Variants in PARD3B observed in about 807,000 individuals in gnomAD.
PARD3B encodes partitioning defective 3 homolog B.
Under a neutral mutation model 130.2 loss-of-function variants are expected in PARD3B, and 103 were observed. That is an observed-to-expected ratio of 0.79 (90% CI 0.67 to 0.93). PARD3B has a LOEUF of 0.93. PARD3B is among the 40% of genes least tolerant of loss of function. The probability of loss-of-function intolerance (pLI) is 0.00; values close to 1 mark genes in which losing one functional copy is unlikely to be tolerated. For synonymous variants in PARD3B, 583 were observed against 553.2 expected (o/e 1.05, Z -0.76); for missense variants, 1,609 against 1,499.2 (o/e 1.07, Z -1.21).
chr2:205,097,207 A>G (rs996150375), intron 4 of PARD3B, among the ~76,000 whole-genome samples: 3 of 152,208 alleles, frequency 2.0e-5, no homozygotes, highest in African/African-American at 4.8e-5. Flanking sequence ...AAAGAAAGGT[A>G]AAGTATAATG....
chr2:204,596,783 C>T (rs1218772529), intron 1 of PARD3B, among the ~76,000 whole-genome samples: 1 of 152,050 alleles, frequency 6.6e-6, no homozygotes, highest in African/African-American at 2.4e-5. Context: ...ACAAAATTAG[C>T]TGGGTGTGGT....
intron 2 of PARD3B, among the ~76,000 whole-genome samples, chr2:204,827,269 GT>G (rs1449049938): frequency 6.6e-6 from 1 of 151,988 alleles, no homozygotes; most frequent in African/African-American, 2.4e-5. Context: ...TTATTTATAA[GT>G]TTTTGCAAAT....
intron 21 of PARD3B, among the ~76,000 whole-genome samples, chr2:205,546,704 C>T (rs986021752): frequency 6.6e-6 from 1 of 152,148 alleles, no homozygotes; most frequent in African/African-American, 2.4e-5. Context: ...TCTGCAATTT[C>T]CTATCCTCTA....
At chr2:204,871,373 A>T (rs1417939211) in intron 2 of PARD3B, among the ~76,000 whole-genome samples, 3 of 152,100 alleles carry the variant, frequency 2.0e-5, no homozygotes, top group Non-Finnish European at 4.4e-5. Flanking sequence ...TTTCTGCATC[A>T]TATCCTGATC....
chr2:205,090,573 T>C (rs1702045896), intron 4 of PARD3B, among the ~76,000 whole-genome samples: 1 of 152,202 alleles, frequency 6.6e-6, no homozygotes, highest in African/African-American at 2.4e-5. Context: ...CACAATCAGA[T>C]GGCAGGTTGG....
chr2:204,858,943 C>A (rs910199627), intron 2 of PARD3B, among the ~76,000 whole-genome samples: 1 of 151,596 alleles, frequency 6.6e-6, no homozygotes, highest in Non-Finnish European at 1.5e-5. Context: ...AATTATGCAT[C>A]ATTCTCATGT....
rs572407608 is a variant in PARD3B, at chr2:205,053,781, G to C, written c.504+6091G>C. On this transcript the variant is annotated intron_variant, in intron 4 of 22. Transcript: ENST00000406610. Reference sequence around the variant, plus strand: ...GGTACTGATGTGTATTAGAAGGATGGCTCTATCCATTGTTTTCCAAAGAGG... The same window carrying C: ...GGTACTGATGTGTATTAGAAGGATGCCTCTATCCATTGTTTTCCAAAGAGG... Among the ~76,000 whole-genome samples, 5 of 152,224 alleles carry C rather than the reference G, an allele frequency of 3.3e-5. No homozygotes were observed. In the East Asian group the frequency reaches 9.6e-4, roughly 29 times the overall value.
intron 1 of PARD3B, among the ~76,000 whole-genome samples, chr2:204,554,389 A>C (rs2030768740): frequency 6.6e-6 from 1 of 151,988 alleles, no homozygotes; most frequent in Non-Finnish European, 1.5e-5. Flanking sequence ...CCCAACTCCA[A>C]ATCAAGTCCT....
At chr2:204,942,253 A>G (rs1448373989) in intron 2 of PARD3B, among the ~76,000 whole-genome samples, 2 of 152,198 alleles carry the variant, frequency 1.3e-5, no homozygotes, top group Non-Finnish European at 2.9e-5. Flanking sequence ...TAGCTCTGGA[A>G]ATGTAACTTT....
At chr2:204,712,613 C>CAAAAAAA (rs1253142601) in intron 2 of PARD3B, among the ~76,000 whole-genome samples, 2 of 47,594 alleles carry the variant, frequency 4.2e-5, no homozygotes, top group Non-Finnish European at 9.4e-5. Context: ...GACCCCATCT[C>CAAAAAAA]AAAAAAAAAA....
At chr2:205,487,488 G>A (rs577536578) in intron 20 of PARD3B, among the ~76,000 whole-genome samples, 10 of 151,998 alleles carry the variant, frequency 6.6e-5, no homozygotes, top group South Asian at 2.1e-4. Flanking sequence ...GCTACCATCC[G>A]TGCACTAAAT....
chr2:205,388,714 AAAAAC>A (rs2045748848), intron 18 of PARD3B, among the ~76,000 whole-genome samples: 1 of 152,150 alleles, frequency 6.6e-6, no homozygotes. Context: ...TCTATGAAAA[AAAAAC>A]TTGTCTTTTG....
intron 3 of PARD3B, among the ~76,000 whole-genome samples, chr2:204,975,501 A>G (rs1345959837): frequency 6.6e-6 from 1 of 152,154 alleles, no homozygotes; most frequent in African/African-American, 2.4e-5. Context: ...GGTGGTTAAT[A>G]TAGAGACAAG....
At chr2:204,854,811 T>C (rs2044854571) in intron 2 of PARD3B, among the ~76,000 whole-genome samples, 3 of 152,108 alleles carry the variant, frequency 2.0e-5, no homozygotes, top group Admixed American at 2.0e-4. Context: ...ATATACACCC[T>C]GGGGTTCATC....
chr2:205,196,446 A>C (rs992111947), intron 15 of PARD3B, among the ~76,000 whole-genome samples: 1 of 152,138 alleles, frequency 6.6e-6, no homozygotes, highest in Non-Finnish European at 1.5e-5. Context: ...ATATTGTTAC[A>C]TGGGATGCAA....
intron 1 of PARD3B, among the ~76,000 whole-genome samples, chr2:204,560,927 G>T (rs955593344): frequency 1.3e-5 from 2 of 152,006 alleles, no homozygotes; most frequent in African/African-American, 2.4e-5. Context: ...AAGTAATTAG[G>T]CTTGGGGGTT....
intron 3 of PARD3B, among the ~76,000 whole-genome samples, chr2:205,046,302 C>T (rs1289045441): frequency 6.6e-6 from 1 of 150,412 alleles, no homozygotes; most frequent in South Asian, 2.1e-4. Context: ...GCCAACCGTA[C>T]AATTATTGGT....
At chr2:205,216,952 G>A (rs190969038) in intron 15 of PARD3B, among the ~76,000 whole-genome samples, 2 of 151,870 alleles carry the variant, frequency 1.3e-5, no homozygotes, top group Non-Finnish European at 2.9e-5. Flanking sequence ...TCTGGCTCTC[G>A]CACCCATATT....
chr2:205,412,504 GATGA>G (rs1475939134), intron 19 of PARD3B, among the ~76,000 whole-genome samples: 1 of 152,170 alleles, frequency 6.6e-6, no homozygotes, highest in Non-Finnish European at 1.5e-5. Flanking sequence ...ACAGGTTGGA[GATGA>G]ATGAATCAGT....
Sources: allele counts gnomAD v4.1 joint callset (sites outside exome capture counted in the v4.1 genomes callset), GRCh38; gene constraint gnomAD v4.1.1; transcripts MANE v1.5; gene names NCBI Gene and HGNC (gene_info 2026-07-23, HGNC 2026-07-21).